Variants in POLE observed in about 807,000 individuals in gnomAD.
POLE encodes DNA polymerase epsilon, catalytic subunit.
A neutral mutation model predicts 279.2 loss-of-function variants in POLE; 188 were observed. That is an observed-to-expected ratio of 0.67 (90% CI 0.60 to 0.76). The LOEUF is 0.76. Ranked by LOEUF, POLE falls within the 30% of genes least tolerant of loss-of-function variation. The pLI, the probability that POLE is intolerant of heterozygous loss-of-function variation, is 0.00. For synonymous variants in POLE, 1,214 were observed against 1,172.5 expected (o/e 1.04, Z -0.72); for missense variants, 2,703 against 3,016.7 (o/e 0.90, Z 2.44).
At position 132,649,981 on chromosome 12, in the gene POLE, CAGG is replaced by C. The variant is rs926624336; in HGVS notation, c.3583-95_3583-93del. On this transcript the variant is annotated intron_variant, in intron 29 of 48. Coordinates refer to ENST00000320574, the MANE Select transcript of POLE (RefSeq NM_006231.4). ...ATGCCAGCACTTTGGGAGGCCAAGA[CAGG>C]AGAATTGCTTGGGGCCAGGAGTTTG... The C allele has an allele frequency of 7.3e-6, 8 of 1,102,952 alleles. No homozygotes were observed. In the Admixed American group the frequency reaches 1.1e-4, roughly 15 times the overall value. The allele number at this position is 1,102,952 out of a possible 1,614,324, so 68.3% of individuals were successfully genotyped here.
rs2043136914 is a variant in POLE, at chr12:132,680,142, C to T, written c.330+36G>A. 1 of 1,608,554 alleles carries T rather than the reference C, an allele frequency of 6.2e-7. No individual in the cohort carries two copies. Among genetic ancestry groups the T allele is most frequent in the African/African-American group, 1.3e-5 (1 of 74,916 alleles). On this transcript the variant is annotated intron_variant, in intron 4 of 48. Coordinates refer to ENST00000320574, the MANE Select transcript of POLE (RefSeq NM_006231.4). ...GCAAAGCCCACCACAGAATGACACACAGGTCGTCTGACCTGAGTCTATGAA... is the reference window on the plus strand; with the variant it reads ...GCAAAGCCCACCACAGAATGACACATAGGTCGTCTGACCTGAGTCTATGAA...
At chr12:132,662,159 G>A (rs1023102391) in intron 23 of POLE, among the ~76,000 whole-genome samples, 11 of 152,334 alleles carry the variant, frequency 7.2e-5, no homozygotes, top group Middle Eastern at 3.4e-3. Context: ...GATCCCAAGA[G>A]GGGTGCAGAC....
chr12:132,626,215 G>A lies in POLE; in HGVS notation c.6433C>T (p.Arg2145Ter), dbSNP rs1451513451. The A allele has an allele frequency of 5.6e-6, 9 of 1,613,720 alleles. No individual in the cohort carries two copies. The highest frequency in any genetic ancestry group is 5.5e-5 in the South Asian group (5 of 91,066). Residue 2145 changes from arginine (R) to a stop codon, truncating the protein, a stop_gained, in exon 46 of 49, where the codon CGA (arginine) becomes TGA (stop). Transcript: ENST00000320574. LOFTEE classifies it high-confidence loss of function. ...VGEFSEEAQF[R>*]DPCRSYVLPE... ...AGCACGTAGGAGCGGCAGGGGTCTC[G>A]GAACTGGGCCTCCTCGGAGAACTCG...
At position 132,657,935 on chromosome 12, in the gene POLE, G is replaced by A. The variant is rs531705054; in HGVS notation, c.3311C>T (p.Thr1104Met). 94 of 1,613,836 alleles carry A rather than the reference G, an allele frequency of 5.8e-5. No homozygotes were observed. The highest frequency in any genetic ancestry group is 3.3e-4 in the Middle Eastern group (2 of 6,062). ...TTTCCGGAGAAAGTGCTTCCTCACC[G>A]TGGGCTCTGCTTGGAAAATGGCAAG... ...IPLAIFQAEP[T>M]VRKHFLRKWL... Residue 1104 changes from threonine (T) to methionine (M), a missense_variant, in exon 27 of 49, where the codon ACG becomes ATG. Coordinates refer to ENST00000320574, the MANE Select transcript of POLE (RefSeq NM_006231.4).
Position 132,667,409 on chromosome 12 carries a change from G to C in POLE, c.2319+94C>G, listed in dbSNP as rs983547297. On this transcript the variant is annotated intron_variant, in intron 20 of 48. Transcript: ENST00000320574. ...CCATCCGAGTGCAAGTGCCTGCTCA[G>C]AGGATCCCAGGCAAGGAGCCAAGAG... 2.2e-6 allele frequency: 3 copies of C among 1,336,934 alleles called. No individual in the cohort carries two copies. The African/African-American group carries it at 4.3e-5, about 19-fold the overall frequency. The allele number at this position is 1,336,934 out of a possible 1,614,324, so 82.8% of individuals were successfully genotyped here.
At position 132,624,420 on chromosome 12, in the gene POLE, C is replaced by T. The variant is rs183634984; in HGVS notation, c.*277G>A. 1.2e-4 allele frequency: 65 copies of T among 528,756 alleles called. No individual in the cohort carries two copies. The highest frequency in any genetic ancestry group is 2.9e-4 in the East Asian group (9 of 31,284). 32.8% of individuals were successfully genotyped at this position (528,756 alleles called of 1,614,324 possible). On this transcript the variant is annotated 3_prime_UTR_variant, in exon 49 of 49. Coordinates refer to ENST00000320574, the MANE Select transcript of POLE (RefSeq NM_006231.4). ...CAGAGGCCTGGAAAAGCATTCACTG[C>T]GTGAGAAACGGCGCCCAGGGCACTC...
chr12:132,630,716 T>C lies in POLE; in HGVS notation c.6330+1599A>G, dbSNP rs1030082423. Among the ~76,000 whole-genome samples the C allele has an allele frequency of 4.6e-5, 7 of 152,008 alleles. No homozygotes were observed. The East Asian group carries it at 9.6e-4, about 21-fold the overall frequency. On this transcript the variant is annotated intron_variant, in intron 45 of 48. Transcript: ENST00000320574. ...CCTGGGCAATGAGAGTGAATCTCCA[T>C]CTCCAAAAAAAAGCTCCACATCATT...
At chr12:132,626,559 T>C (rs1469737801) in intron 45 of POLE, among the ~76,000 whole-genome samples, 2 of 152,176 alleles carry the variant, frequency 1.3e-5, no homozygotes, top group African/African-American at 4.8e-5. Flanking sequence ...ACACAGTATC[T>C]TTCAAAACAC....
Position 132,677,548 on chromosome 12 carries a change from T to C in POLE, c.720+30A>G, listed in dbSNP as rs201783926. The C allele has an allele frequency of 3.1e-6, 5 of 1,613,692 alleles. No individual in the cohort carries two copies. In the East Asian group the frequency reaches 8.9e-5, roughly 29 times the overall value. ...TCTCCTGGCTGTTAGGAAATTCATG[T>C]GAGCAGCGACCCAACCCTGCCCCAC... On this transcript the variant is annotated intron_variant, in intron 7 of 48. Coordinates refer to ENST00000320574, the MANE Select transcript of POLE (RefSeq NM_006231.4).
intron 27 of POLE, 45 bp from the exon 28 acceptor site, chr12:132,657,474 G>T: frequency 6.6e-7 from 1 of 1,520,696 alleles, no homozygotes; most frequent in Non-Finnish European, 9.1e-7. Flanking sequence ...GGTGGCAGCA[G>T]CCAAGAGTGG....
At chr12:132,685,964 C>G (rs540812675) in intron 1 of POLE, among the ~76,000 whole-genome samples, 2 of 152,280 alleles carry the variant, frequency 1.3e-5, no homozygotes, top group South Asian at 4.1e-4. Flanking sequence ...CAACCTCCGC[C>G]TGCCGCGTTC....
chr12:132,662,171 G>T (rs2042696370), intron 23 of POLE, among the ~76,000 whole-genome samples: 2 of 152,338 alleles, frequency 1.3e-5, no homozygotes, highest in African/African-American at 4.8e-5. Context: ...GGTGCAGACT[G>T]GGCCAAATGA....
chr12:132,652,917 G>A (rs546317062), intron 29 of POLE, among the ~76,000 whole-genome samples: 2 of 152,142 alleles, frequency 1.3e-5, no homozygotes, highest in South Asian at 2.1e-4. Flanking sequence ...TTTAGGATTC[G>A]TCTGTCAAGT....
At position 132,639,952 on chromosome 12, in the gene POLE, A is replaced by AAAAAC. The variant is rs10526281; in HGVS notation, c.5379-659_5379-655dup. Among the ~76,000 whole-genome samples the AAAAAC allele has an allele frequency of 0.019, 2,856 of 148,764 alleles. 34 individuals carry two copies. The highest frequency in any genetic ancestry group is 0.035 in the East Asian group (174 of 4,958). On this transcript the variant is annotated intron_variant, in intron 39 of 48. Coordinates refer to ENST00000320574, the MANE Select transcript of POLE (RefSeq NM_006231.4). The surrounding 1 kb of genome is among the most constrained non-coding windows in gnomAD (Gnocchi z 4.7). ...ACAGAGTGAGACTGTCTCAAAAAAC[A>AAAAAC]AAAACAAAACAAAACAAAACAAAAC...
In POLE at chr12:132,658,871, A is replaced by G. The variant is rs568699678; in HGVS notation, c.3275+424T>C. Among the ~76,000 whole-genome samples the G allele has an allele frequency of 1.2e-4, 17 of 136,066 alleles. No homozygotes were observed. In the South Asian group the frequency reaches 4.2e-3, roughly 34 times the overall value. The allele number at this position is 136,066 out of a possible 152,430, so 89.3% of individuals were successfully genotyped here. ...AGGCATTTGTACTGGTCCTATTTGT[A>G]TATAACCACCAAAAAAAAAAAAAAA... On this transcript the variant is annotated intron_variant, in intron 26 of 48. Transcript: ENST00000320574.
rs374234730 is a variant in POLE at position 132,668,289 on chromosome 12, C to T, written c.2173+67G>A. On this transcript the variant is annotated intron_variant, in intron 19 of 48. Coordinates refer to ENST00000320574, the MANE Select transcript of POLE (RefSeq NM_006231.4). The surrounding 1 kb of genome is among the most constrained non-coding windows in gnomAD (Gnocchi z 4.0). ...CCCAGCTGGGATGGACCAACGCAGC[C>T]CAGTAAGAACAGAAAGTGGGAGCAG... 17 of 1,498,890 alleles carry T rather than the reference C, an allele frequency of 1.1e-5. No homozygotes were observed. The African/African-American group carries it at 2.4e-4, about 21-fold the overall frequency. The allele number at this position is 1,498,890 out of a possible 1,614,324, so 92.8% of individuals were successfully genotyped here.
intron 16 of POLE, among the ~76,000 whole-genome samples, chr12:132,670,098 G>A (rs777429368): frequency 1.1e-4 from 16 of 151,998 alleles, no homozygotes; most frequent in Admixed American, 2.0e-4. Flanking sequence ...TAGGTCGGGC[G>A]CGGTGGCTCA....
At chr12:132,657,671 C>T (rs2042575914) in intron 27 of POLE, among the ~76,000 whole-genome samples, 197 bp downstream of exon 27, 1 of 152,198 alleles carries the variant, frequency 6.6e-6, no homozygotes, top group African/African-American at 2.4e-5. Context: ...TCCAATAGAA[C>T]AGCTAAAGGG....
chr12:132,659,279 TGG>T lies in POLE; in HGVS notation c.3275+14_3275+15del, dbSNP rs768202002. The T allele has an allele frequency of 6.2e-7, 1 of 1,607,072 alleles. No homozygotes were observed. The highest frequency in any genetic ancestry group is 8.5e-7 in the Non-Finnish European group (1 of 1,175,530). ...GGGAGGAGCCCTCACCTCTCCGTGA[TGG>T]GGGGAGCCCTCACCTCTCCGTGACA... On this transcript the variant is annotated intron_variant, in intron 26 of 48. Transcript: ENST00000320574.
Sources: gnomAD v4.1 joint callset for allele counts (sites outside exome capture counted in the v4.1 genomes callset) on GRCh38, gnomAD v4.1.1 for gene constraint, Gnocchi (gnomAD v3.1) non-coding constraint, MANE v1.5 for transcripts, NCBI Gene and HGNC (gene_info 2026-07-23, HGNC 2026-07-21) for gene names.